The following SLCO6A1 variants were observed in gnomAD, a reference collection of about 807,000 sequenced individuals.
SLCO6A1 encodes cancer/testis antigen 48.
A neutral mutation model predicts 72.7 loss-of-function variants in SLCO6A1; 65 were observed. The ratio of observed to expected loss-of-function variants is 0.89; its 90% CI spans 0.73 to 1.10. The LOEUF is 1.10. SLCO6A1 is among the 50% of genes least tolerant of loss of function. SLCO6A1 has a pLI of 0.00. For missense variants in SLCO6A1, 874 were observed against 872.6 expected (o/e 1.00, Z -0.02); for synonymous variants, 314 against 298.2 (o/e 1.05, Z -0.55).
At chr5:102,470,140 CCAGG>C (rs1469325052) in intron 4 of SLCO6A1, among the ~76,000 whole-genome samples, 4 of 152,000 alleles carry the variant, frequency 2.6e-5, no homozygotes, top group African/African-American at 9.7e-5. Context: ...TGTGTCTCTG[CCAGG>C]CTTTGGTTTC....
intron 4 of SLCO6A1, among the ~76,000 whole-genome samples, chr5:102,460,023 T>G (rs969357384): frequency 4.6e-5 from 7 of 152,166 alleles, no homozygotes; most frequent in Non-Finnish European, 1.0e-4. Context: ...CTTCTTTTTC[T>G]TGGCACCACT....
intron 12 of SLCO6A1, among the ~76,000 whole-genome samples, chr5:102,387,427 T>C (rs1746476892): frequency 6.6e-6 from 1 of 152,202 alleles, no homozygotes; most frequent in Admixed American, 6.5e-5. Context: ...CAGGTAACCA[T>C]GTTACAATTG....
chr5:102,464,187 A>C (rs978292870), intron 4 of SLCO6A1, among the ~76,000 whole-genome samples: 3 of 152,190 alleles, frequency 2.0e-5, no homozygotes, highest in African/African-American at 7.2e-5. Flanking sequence ...CCCAAAAACT[A>C]TCGAAATAAA....
intron 12 of SLCO6A1, among the ~76,000 whole-genome samples, chr5:102,376,146 C>T (rs1216943053): frequency 1.3e-5 from 2 of 152,076 alleles, no homozygotes; most frequent in Non-Finnish European, 2.9e-5. Flanking sequence ...GATGTAATGC[C>T]TTTAAAATTC....
intron 8 of SLCO6A1, among the ~76,000 whole-genome samples, chr5:102,416,608 A>G (rs978636559): frequency 6.6e-6 from 1 of 152,138 alleles, no homozygotes; most frequent in Non-Finnish European, 1.5e-5. Flanking sequence ...ACAGATAATG[A>G]GAAATTACTT....
chr5:102,459,855 G>GA, intron 4 of SLCO6A1, 78 bp from the exon 5 acceptor site: 1 of 1,257,354 alleles, frequency 8.0e-7, no homozygotes. Flanking sequence ...ACAGAGTGGA[G>GA]AAAGTGAGAG....
intron 7 of SLCO6A1, among the ~76,000 whole-genome samples, chr5:102,433,017 C>T (rs561443483): frequency 6.6e-6 from 1 of 152,110 alleles, no homozygotes; most frequent in African/African-American, 2.4e-5. Flanking sequence ...GTTTCAGAAA[C>T]CCAATCTTCA....
intron 9 of SLCO6A1, among the ~76,000 whole-genome samples, chr5:102,402,413 C>T (rs534793112): frequency 2.0e-5 from 3 of 152,176 alleles, no homozygotes; most frequent in East Asian, 1.9e-4. Flanking sequence ...AATGCCTGCT[C>T]AAGTAAGTTT....
Position 102,382,854 on chromosome 5 carries a change from A to G in SLCO6A1, c.2017+5834T>C, listed in dbSNP as rs540115313. Reference sequence around the variant, plus strand: ...TCCTGAAACTTTACTGAAATCACTTACTAGTTTTAACAGTTTTTTGGTGGA... The same window carrying G: ...TCCTGAAACTTTACTGAAATCACTTGCTAGTTTTAACAGTTTTTTGGTGGA... On this transcript the variant is annotated intron_variant, in intron 12 of 13. Transcript: ENST00000506729. Among the ~76,000 whole-genome samples the G allele has an allele frequency of 1.6e-3, 238 of 150,882 alleles. 1 individual carries two copies. The highest frequency in any genetic ancestry group is 2.5e-3 in the Non-Finnish European group (170 of 67,324).
chr5:102,380,108 G>C (rs1221173026), intron 12 of SLCO6A1, among the ~76,000 whole-genome samples: 3 of 151,832 alleles, frequency 2.0e-5, no homozygotes, highest in Non-Finnish European at 2.9e-5. Context: ...CTAATACATT[G>C]TGTTCCCTGA....
At chr5:102,485,578 C>T (rs936980726) in intron 1 of SLCO6A1, among the ~76,000 whole-genome samples, 7 of 152,138 alleles carry the variant, frequency 4.6e-5, no homozygotes, top group South Asian at 2.1e-4. Flanking sequence ...TGAAGGCTCA[C>T]GTAAGCTTCC....
chr5:102,459,766 T>C lies in SLCO6A1; in HGVS notation c.911A>G (p.Asn304Ser). 2 of 1,587,656 alleles carry C rather than the reference T, an allele frequency of 1.3e-6. No homozygotes were observed. The highest frequency in any genetic ancestry group is 1.7e-6 in the Non-Finnish European group (2 of 1,172,420). Residue 304 changes from asparagine to serine, a missense_variant, in exon 5 of 14, where the codon AAT becomes AGT. Coordinates refer to ENST00000506729, the MANE Select transcript of SLCO6A1 (RefSeq NM_173488.5). ...CCATAGCCATTCTGGACTACCATTA[T>C]TGACTGTAGTGCTTTAATAAAGAAA... ...NTTSATNTTV[N>S]NGSPEWLWTW...
intron 7 of SLCO6A1, among the ~76,000 whole-genome samples, chr5:102,434,047 A>AT (rs1299470253): frequency 1.3e-5 from 2 of 151,778 alleles, no homozygotes; most frequent in Admixed American, 6.6e-5. Flanking sequence ...ATATATTGAA[A>AT]TTTTTTTCCC....
chr5:102,477,985 A>T (rs1751998491), intron 2 of SLCO6A1, 124 bp from the exon 3 acceptor site: 2 of 892,044 alleles, frequency 2.2e-6, no homozygotes, highest in Non-Finnish European at 3.4e-6. Flanking sequence ...TTTAGTTAAC[A>T]TTTCATTTAC....
At chr5:102,396,313 T>G (rs976992573) in intron 10 of SLCO6A1, among the ~76,000 whole-genome samples, 17 of 152,064 alleles carry the variant, frequency 1.1e-4, no homozygotes, top group Non-Finnish European at 2.2e-4. Context: ...TTTCCCCATT[T>G]CTTGTTTTTG....
In SLCO6A1 at chr5:102,394,469, G is replaced by A. The variant is rs557835294; in HGVS notation, c.1815-3424C>T. Among the ~76,000 whole-genome samples, 7 of 151,692 alleles carry A rather than the reference G, an allele frequency of 4.6e-5. No individual in the cohort carries two copies. In the South Asian group the frequency reaches 1.5e-3, roughly 32 times the overall value. Reference sequence around the variant, plus strand: ...AAATAGGTAAATTTATTTCTGTAAGGTTACCTATATCATATTACATACAAT... The same window carrying A: ...AAATAGGTAAATTTATTTCTGTAAGATTACCTATATCATATTACATACAAT... On this transcript the variant is annotated intron_variant, in intron 10 of 13. Transcript: ENST00000506729.
At chr5:102,402,047 G>C (rs1747425650) in intron 9 of SLCO6A1, among the ~76,000 whole-genome samples, 1 of 152,038 alleles carries the variant, frequency 6.6e-6, no homozygotes, top group East Asian at 1.9e-4. Context: ...GCTCTAAAAG[G>C]GTTGAAGAAC....
intron 1 of SLCO6A1, among the ~76,000 whole-genome samples, chr5:102,496,596 G>T (rs190489947): frequency 6.6e-6 from 1 of 152,306 alleles, no homozygotes; most frequent in African/African-American, 2.4e-5. Flanking sequence ...CCAACATAGT[G>T]GGAAGTAAGT....
intron 2 of SLCO6A1, among the ~76,000 whole-genome samples, chr5:102,478,149 G>A (rs1037767239): frequency 1.1e-4 from 17 of 151,782 alleles, no homozygotes; most frequent in African/African-American, 3.1e-4. Context: ...TTGTGACCCC[G>A]TCTCCAAAAT....
Sources: allele counts gnomAD v4.1 joint callset (sites outside exome capture counted in the v4.1 genomes callset), GRCh38; gene constraint gnomAD v4.1.1; transcripts MANE v1.5; gene names NCBI Gene and HGNC (gene_info 2026-07-23, HGNC 2026-07-21).